The following CDIN1 variants were observed in gnomAD, a reference collection of about 807,000 sequenced individuals.
CDIN1 encodes the protein CDAN1 interacting nuclease 1.
CDIN1 carries 33 observed loss-of-function variants against 45.3 expected under a neutral mutation model. That is an observed-to-expected ratio of 0.73 (90% CI 0.55 to 0.97). CDIN1 has a LOEUF of 0.97. Ranked by LOEUF, CDIN1 falls within the 50% of genes least tolerant of loss-of-function variation. CDIN1 has a pLI of 0.00. For missense variants in CDIN1, 303 were observed against 339.4 expected, an observed-to-expected ratio of 0.89 and a Z score of 0.84; for synonymous variants, 118 against 124.4, an observed-to-expected ratio of 0.95 and a Z score of 0.34.
chr15:36,681,065 C>T (rs1456313361), intron 5 of CDIN1, among the ~76,000 whole-genome samples: 1 of 151,748 alleles, frequency 6.6e-6, no homozygotes, highest in Non-Finnish European at 1.5e-5. Flanking sequence ...AAATAGAATA[C>T]CATGAACTAG....
chr15:36,644,254 T>C (rs1270506058), intron 1 of CDIN1, 24 bp from the exon 2 acceptor site: 2 of 1,612,368 alleles, frequency 1.2e-6, no homozygotes, highest in South Asian at 1.1e-5. Context: ...GTAATTAACT[T>C]TGTCCTTCTT....
chr15:36,610,110 C>T (rs939177231), intron 1 of CDIN1, among the ~76,000 whole-genome samples: 1 of 152,080 alleles, frequency 6.6e-6, no homozygotes, highest in African/African-American at 2.4e-5. Flanking sequence ...CAGCAAAATA[C>T]GAGAAAGGGT....
intron 1 of CDIN1, among the ~76,000 whole-genome samples, chr15:36,586,092 C>T (rs1160743954): frequency 6.6e-6 from 1 of 152,162 alleles, no homozygotes; most frequent in Non-Finnish European, 1.5e-5. Flanking sequence ...AGCAGGACCA[C>T]CTCATGACTA....
chr15:36,777,406 GAAA>G (rs61343212), intron 10 of CDIN1, among the ~76,000 whole-genome samples: 1 of 118,744 alleles, frequency 8.4e-6, no homozygotes. Flanking sequence ...TTTTAGATCT[GAAA>G]AAAAAAAAAA....
At chr15:36,623,720 C>T (rs193176609) in intron 1 of CDIN1, among the ~76,000 whole-genome samples, 2 of 152,206 alleles carry the variant, frequency 1.3e-5, no homozygotes, top group Non-Finnish European at 2.9e-5. Flanking sequence ...GTAAATTCCA[C>T]GAACTGTCTA....
At position 36,603,832 on chromosome 15, in the gene CDIN1, TAGGG is replaced by T. The variant is rs538134734; in HGVS notation, c.101+23875_101+23878del. ...CATTTATTTAGCACAGTTTCTGTGG[TAGGG>T]AGGCAACATTAAACATTATTTTAAA... On this transcript the variant is annotated intron_variant, in intron 1 of 10. Transcript: ENST00000566621. Among the ~76,000 whole-genome samples, 535 of 152,266 alleles carry T rather than the reference TAGGG, an allele frequency of 3.5e-3. 3 individuals carry two copies. Among genetic ancestry groups the T allele is most frequent in the Non-Finnish European group, 4.6e-3 (315 of 68,024 alleles).
intron 10 of CDIN1, among the ~76,000 whole-genome samples, chr15:36,727,459 A>G (rs2043677565): frequency 6.6e-6 from 1 of 152,118 alleles, no homozygotes; most frequent in African/African-American, 2.4e-5. Context: ...AGTGATGGGT[A>G]ATGAAGCTTG....
intron 5 of CDIN1, among the ~76,000 whole-genome samples, chr15:36,659,849 T>G (rs953031112): frequency 2.0e-5 from 3 of 152,070 alleles, no homozygotes; most frequent in African/African-American, 7.2e-5. Context: ...TTTCAAAAAG[T>G]GACAGAAAAT....
chr15:36,594,404 G>A (rs1300292857), intron 1 of CDIN1, among the ~76,000 whole-genome samples: 1 of 152,202 alleles, frequency 6.6e-6, no homozygotes, highest in African/African-American at 2.4e-5. Context: ...CTCTTCTGAA[G>A]CATGGAAACA....
chr15:36,718,668 C>T (rs1030381187), intron 10 of CDIN1, among the ~76,000 whole-genome samples: 8 of 151,868 alleles, frequency 5.3e-5, no homozygotes, highest in Admixed American at 4.6e-4. Flanking sequence ...TAGAGGAATA[C>T]AATTGATTTT....
intron 10 of CDIN1, among the ~76,000 whole-genome samples, chr15:36,789,431 T>C (rs928830720): frequency 1.3e-5 from 2 of 152,196 alleles, no homozygotes; most frequent in East Asian, 1.9e-4. Context: ...AGTCAATATA[T>C]ATACTCTAAA....
intron 10 of CDIN1, among the ~76,000 whole-genome samples, chr15:36,801,115 A>G (rs1163965714): frequency 6.6e-6 from 1 of 151,202 alleles, no homozygotes; most frequent in Non-Finnish European, 1.5e-5. Context: ...TCATTCTTCA[A>G]TTGAGAATTG....
chr15:36,587,025 T>C (rs1355066912), intron 1 of CDIN1, among the ~76,000 whole-genome samples: 10 of 152,208 alleles, frequency 6.6e-5, no homozygotes, highest in Admixed American at 3.3e-4. Context: ...AGTTTAATTT[T>C]TCCTTGAGTT....
At chr15:36,641,733 G>C (rs894576212) in intron 1 of CDIN1, 13 of 152,120 alleles carry the variant, frequency 8.5e-5, no homozygotes, top group African/African-American at 1.4e-4. Flanking sequence ...CCTTTTTTAT[G>C]TGTGTACTTT....
chr15:36,674,385 C>T (rs2111013), intron 5 of CDIN1, among the ~76,000 whole-genome samples: 151,360 of 152,214 alleles, frequency 0.99, 75,262 homozygotes, highest in Middle Eastern at 1. Flanking sequence ...AATGCCTTGA[C>T]CACATATCAG....
At chr15:36,775,062 A>G (rs1362964053) in intron 10 of CDIN1, among the ~76,000 whole-genome samples, 1 of 152,272 alleles carries the variant, frequency 6.6e-6, no homozygotes, top group Non-Finnish European at 1.5e-5. Flanking sequence ...AGAAAAAGCT[A>G]ACTATCTAAT....
chr15:36,644,363 A>G, intron 2 of CDIN1, 40 bp downstream of exon 2: 1 of 1,578,704 alleles, frequency 6.3e-7, no homozygotes, highest in Non-Finnish European at 8.7e-7. Flanking sequence ...ACAGGTGCCT[A>G]ATTGAATGAT....
Position 36,780,046 on chromosome 15 carries a change from A to G in CDIN1, c.717-28278A>G, listed in dbSNP as rs1566968639. ...ACTCCCATAGTCATTTACGTTTAGAATGATTCCAAATGGAGAGTGAGTCTC... is the reference window on the plus strand; with the variant it reads ...ACTCCCATAGTCATTTACGTTTAGAGTGATTCCAAATGGAGAGTGAGTCTC... On this transcript the variant is annotated intron_variant, in intron 10 of 10. Coordinates refer to ENST00000566621, the MANE Select transcript of CDIN1 (RefSeq NM_001321759.2). Among the ~76,000 whole-genome samples, 7 of 148,518 alleles carry G rather than the reference A, an allele frequency of 4.7e-5. 1 individual carries two copies. The South Asian group carries it at 1.2e-3, about 26-fold the overall frequency.
rs79470521 is a variant in CDIN1, at chr15:36,701,565, C to A, written c.544+4175C>A. ...AAACCATCCATCTTTTATGGGTTGGCATATCTCCAGGTTGGAGGGACTTCC... is the reference window on the plus strand; with the variant it reads ...AAACCATCCATCTTTTATGGGTTGGAATATCTCCAGGTTGGAGGGACTTCC... On this transcript the variant is annotated intron_variant, in intron 8 of 10. Transcript: ENST00000566621. 2.1e-3 allele frequency among the ~76,000 whole-genome samples: 317 copies of A among 152,312 alleles called. 1 individual carries two copies. The highest frequency in any genetic ancestry group is 7.0e-3 in the African/African-American group (292 of 41,570).
Sources: gnomAD v4.1 joint callset for allele counts (sites outside exome capture counted in the v4.1 genomes callset) on GRCh38, gnomAD v4.1.1 for gene constraint, MANE v1.5 for transcripts, NCBI Gene and HGNC (gene_info 2026-07-23, HGNC 2026-07-21) for gene names.